Variants in SCNN1B observed in about 807,000 individuals in gnomAD.
SCNN1B encodes epithelial sodium channel subunit beta.
Under a neutral mutation model 65.3 loss-of-function variants are expected in SCNN1B, and 46 were observed. The observed-to-expected ratio is 0.70, with a 90% CI of 0.56 to 0.90. The LOEUF is 0.90. SCNN1B is among the 40% of genes least tolerant of loss of function. The pLI is 0.00. For missense variants in SCNN1B, 751 were observed against 830.5 expected (o/e 0.90, Z 1.18); for synonymous variants, 349 against 330.6 (o/e 1.06, Z -0.60).
chr16:23,301,906 G>A (rs988429688), upstream of SCNN1B, among the ~76,000 whole-genome samples: 28 of 152,210 alleles, frequency 1.8e-4, no homozygotes, highest in Admixed American at 1.6e-3. Flanking sequence ...CAGGGGTGTG[G>A]ATGTGATGGG....
At chr16:23,341,151 T>C (rs968283591) in intron 1 of SCNN1B, among the ~76,000 whole-genome samples, 3 of 152,132 alleles carry the variant, frequency 2.0e-5, no homozygotes, top group African/African-American at 7.2e-5. Flanking sequence ...TCTCCATTTA[T>C]TTAAGCTTTC....
chr16:23,306,049 C>A (rs1961211982), intron 1 of SCNN1B, among the ~76,000 whole-genome samples: 1 of 152,094 alleles, frequency 6.6e-6, no homozygotes, highest in Admixed American at 6.5e-5. Context: ...TCGAGACCAG[C>A]CTGGCCAACG....
At chr16:23,285,436 T>A (rs907144789) in intron 2 of SCNN1B, among the ~76,000 whole-genome samples, 1 of 152,054 alleles carries the variant, frequency 6.6e-6, no homozygotes, top group Admixed American at 6.6e-5. Flanking sequence ...GCTCCCAAAG[T>A]GCTGAGATTA....
chr16:23,298,849 T>C (rs1301672805), upstream of SCNN1B, among the ~76,000 whole-genome samples: 1 of 152,092 alleles, frequency 6.6e-6, no homozygotes, highest in Admixed American at 6.5e-5. Context: ...TTCCCAGACA[T>C]CCCAAAACTC....
upstream of SCNN1B, among the ~76,000 whole-genome samples, chr16:23,301,142 T>A (rs952295463): frequency 2.0e-5 from 3 of 151,860 alleles, no homozygotes; most frequent in Non-Finnish European, 4.4e-5. Context: ...GGCGGGTGGA[T>A]CACTTGAGTC....
In SCNN1B at chr16:23,336,803, T is replaced by G. The variant is rs111963976; in HGVS notation, c.-8-11789T>G. Reference sequence around the variant, plus strand: ...TTCACAGGTGTAATATTGCTTTGTATTCATAGTAGTGCCTAGGAGGAAGTT... The same window carrying G: ...TTCACAGGTGTAATATTGCTTTGTAGTCATAGTAGTGCCTAGGAGGAAGTT... On this transcript the variant is annotated intron_variant, in intron 1 of 12. Coordinates refer to ENST00000343070, the MANE Select transcript of SCNN1B (RefSeq NM_000336.3). Among the ~76,000 whole-genome samples the G allele has an allele frequency of 3.2e-3, 489 of 152,268 alleles. 4 individuals carry two copies. The highest frequency in any genetic ancestry group is 0.011 in the African/African-American group (468 of 41,532).
At chr16:23,312,295 G>C (rs1336407266) in intron 1 of SCNN1B, among the ~76,000 whole-genome samples, 1 of 152,150 alleles carries the variant, frequency 6.6e-6, no homozygotes, top group African/African-American at 2.4e-5. Context: ...GGCAAGATTT[G>C]GGTGCAGAAG....
chr16:23,363,679 T>C (rs558788260), intron 4 of SCNN1B, among the ~76,000 whole-genome samples: 3 of 151,956 alleles, frequency 2.0e-5, no homozygotes, highest in Admixed American at 6.6e-5. Context: ...CTGGGTGTGG[T>C]GGCACATGCC....
At chr16:23,366,978 A>T (rs558140965) in intron 4 of SCNN1B, among the ~76,000 whole-genome samples, 1 of 152,318 alleles carries the variant, frequency 6.6e-6, no homozygotes, top group Admixed American at 6.5e-5. Flanking sequence ...GCAAGGAGGA[A>T]TTCTCCCCTG....
intron 1 of SCNN1B, among the ~76,000 whole-genome samples, chr16:23,325,066 G>A (rs1421580825): frequency 1.3e-5 from 2 of 152,152 alleles, no homozygotes; most frequent in South Asian, 2.1e-4. Flanking sequence ...GTCAACAAGG[G>A]TATGGGAGAA....
chr16:23,303,914 G>C, intron 1 of SCNN1B: 1 of 718,366 alleles, frequency 1.4e-6, no homozygotes, highest in Non-Finnish European at 2.5e-6. Flanking sequence ...GCAAGACTCT[G>C]TTTCAGAAAA....
chr16:23,360,345 G>A (rs977515569), intron 4 of SCNN1B, among the ~76,000 whole-genome samples: 2 of 151,996 alleles, frequency 1.3e-5, no homozygotes, highest in Non-Finnish European at 2.9e-5. Flanking sequence ...AGACCAACCT[G>A]AGCAACATAG....
rs979138056 is a variant in SCNN1B at position 23,380,112 on chromosome 16, C to T, written c.1485C>T (p.Leu495=). 1.9e-6 allele frequency: 3 copies of T among 1,613,938 alleles called. No homozygotes were observed. Among genetic ancestry groups the T allele is most frequent in the Admixed American group, 1.7e-5 (1 of 60,004 alleles). Residue 495 remains leucine, a synonymous_variant, in exon 12 of 13, where the codon CTC becomes CTT. Transcript: ENST00000343070. This position sits in a 1 kb window ranked among gnomAD's most constrained non-coding sequence, Gnocchi z 5.4. ...CCTGCAGGAAGGGAATTGTCAAGCTCAACATCTACTTCCAAGAATTTAACT... is the reference window on the plus strand; with the variant it reads ...CCTGCAGGAAGGGAATTGTCAAGCTTAACATCTACTTCCAAGAATTTAACT... The part of the protein sequence containing the change: ...ITLSRKGIVK[L]NIYFQEFNYR...
In SCNN1B at chr16:23,375,847, C is replaced by T; in HGVS notation, c.1262C>T (p.Pro421Leu). 6.2e-7 allele frequency: 1 copy of T among 1,609,528 alleles called. No individual in the cohort carries two copies. Among genetic ancestry groups the T allele is most frequent in the Non-Finnish European group, 8.5e-7 (1 of 1,175,768 alleles). ...GEKYCNNRDF[P>L]DWAHCYSDLQ... Reference sequence around the variant, plus strand: ...AAATACTGCAACAACCGGGACTTCCCAGACTGGGGTGAGCGGGGGCACGGG... The same window carrying T: ...AAATACTGCAACAACCGGGACTTCCTAGACTGGGGTGAGCGGGGGCACGGG... The change falls in exon 8 of 13, where the codon CCA (proline) becomes CTA (leucine). Residue 421 changes from proline to leucine, a missense_variant. Physicochemically the swap from Pro to Leu is moderately conservative, Grantham distance 98. Coordinates refer to ENST00000343070, the MANE Select transcript of SCNN1B (RefSeq NM_000336.3).
chr16:23,330,931 C>T (rs1312622137), intron 1 of SCNN1B, among the ~76,000 whole-genome samples: 3 of 152,146 alleles, frequency 2.0e-5, no homozygotes, highest in African/African-American at 4.8e-5. Context: ...CGGGTTATGG[C>T]TTCACATCTG....
chr16:23,354,754 T>C (rs1192911370), intron 3 of SCNN1B, among the ~76,000 whole-genome samples: 1 of 152,162 alleles, frequency 6.6e-6, no homozygotes, highest in South Asian at 2.1e-4. Flanking sequence ...CGGCCACTTG[T>C]GTGAATCTAT....
chr16:23,343,592 AAAG>A (rs1962111458), intron 1 of SCNN1B, among the ~76,000 whole-genome samples: 2 of 75,908 alleles, frequency 2.6e-5, no homozygotes, highest in Non-Finnish European at 5.8e-5. Context: ...AGAAAGAAAG[AAAG>A]AAAGAAAGAA....
chr16:23,360,162 C>A (rs1406472328), intron 4 of SCNN1B, among the ~76,000 whole-genome samples: 3 of 151,668 alleles, frequency 2.0e-5, no homozygotes, highest in Non-Finnish European at 4.4e-5. Flanking sequence ...CATGCCACTG[C>A]ACTCCAGCCT....
intron 1 of SCNN1B, among the ~76,000 whole-genome samples, chr16:23,304,413 A>G (rs992783368): frequency 6.6e-6 from 1 of 152,142 alleles, no homozygotes; most frequent in African/African-American, 2.4e-5. Flanking sequence ...CCAAGGACAA[A>G]CACCACACTT....
Sources: gnomAD v4.1 joint callset for allele counts (sites outside exome capture counted in the v4.1 genomes callset) on GRCh38, gnomAD v4.1.1 for gene constraint, Gnocchi (gnomAD v3.1) non-coding constraint, MANE v1.5 for transcripts, NCBI Gene and HGNC (gene_info 2026-07-23, HGNC 2026-07-21) for gene names.